LINGO2: variants seen among roughly 807,000 people sequenced by gnomAD.
The protein encoded by LINGO2 is leucine-rich repeat and immunoglobulin-like domain-containing nogo receptor-interacting protein 2.
LINGO2 carries 14 observed loss-of-function variants against 30.6 expected under a neutral mutation model. The ratio of observed to expected loss-of-function variants is 0.46; its 90% CI spans 0.30 to 0.72. LINGO2 has a LOEUF of 0.72. Ranked by LOEUF, LINGO2 falls within the 30% of genes least tolerant of loss-of-function variation. The pLI is 0.07. For missense variants in LINGO2, 729 were observed against 751.7 expected (o/e 0.97, Z 0.35); for synonymous variants, 317 against 288.5 (o/e 1.10, Z -1.00).
the LINGO2 span, among the ~76,000 whole-genome samples, chr9:28,774,922 T>C: frequency 2.3e-4 from 35 of 152,262 alleles, 1 homozygote; most frequent in South Asian, 6.2e-3. Context: ...TGACTGTTTA[T>C]GTGTTTTGCA....
At chr9:28,406,230 G>A (rs539885218) in intron 2 of LINGO2, among the ~76,000 whole-genome samples, 1 of 152,278 alleles carries the variant, frequency 6.6e-6, no homozygotes, top group East Asian at 1.9e-4. Context: ...GAGGTCAGGA[G>A]TTCAAGACCA....
At chr9:28,314,978 C>T (rs545105666) in intron 3 of LINGO2, among the ~76,000 whole-genome samples, 1 of 148,028 alleles carries the variant, frequency 6.8e-6, no homozygotes, top group Admixed American at 6.8e-5. Flanking sequence ...CCACTCCAGT[C>T]CAGCCTGGGT....
chr9:28,666,854 CAGTACAT>C (rs1828821465), intron 1 of LINGO2, among the ~76,000 whole-genome samples: 1 of 152,106 alleles, frequency 6.6e-6, no homozygotes, highest in South Asian at 2.1e-4. Context: ...TGTTTAAGCA[CAGTACAT>C]AGTTGGCTTC....
At chr9:29,184,527 C>T in the LINGO2 span, among the ~76,000 whole-genome samples, 502 of 152,244 alleles carry the variant, frequency 3.3e-3, 3 homozygotes, top group Middle Eastern at 0.014. Context: ...GAGACAATTT[C>T]AGAATATATA....
chr9:28,507,956 C>G (rs917792599), intron 1 of LINGO2, among the ~76,000 whole-genome samples: 10 of 151,772 alleles, frequency 6.6e-5, no homozygotes, highest in Non-Finnish European at 1.0e-4. Flanking sequence ...TAAAGCCAGC[C>G]TTTCTAATAA....
chr9:28,628,469 G>T (rs979320368), intron 1 of LINGO2, among the ~76,000 whole-genome samples: 3 of 152,064 alleles, frequency 2.0e-5, no homozygotes, highest in Admixed American at 1.3e-4. Context: ...GGTGCGTATA[G>T]TGTGCTGATT....
the LINGO2 span, among the ~76,000 whole-genome samples, chr9:28,865,475 A>G: frequency 6.6e-6 from 1 of 152,172 alleles, no homozygotes; most frequent in South Asian, 2.1e-4. Flanking sequence ...TTAGAGTTTG[A>G]CATGGGTTTA....
intron 4 of LINGO2, among the ~76,000 whole-genome samples, chr9:28,064,729 G>A (rs891164188): frequency 6.6e-6 from 1 of 152,046 alleles, no homozygotes; most frequent in African/African-American, 2.4e-5. Flanking sequence ...ACAGTTCCAG[G>A]CCCTGAAAGG....
chr9:28,040,432 T>G lies in LINGO2; in HGVS notation c.-86-28027A>C, dbSNP rs192513111. ...CAAAAAGACAGCTTGAAGTTTTTTT[T>G]TTTTTTTTTTTTGGACAGGGATTCA... On this transcript the variant is annotated intron_variant, in intron 4 of 5. Transcript: ENST00000379992. 8.5e-3 allele frequency among the ~76,000 whole-genome samples: 1,284 copies of G among 151,490 alleles called. 10 individuals are homozygous for G. Among genetic ancestry groups the G allele is most frequent in the Non-Finnish European group, 0.013 (911 of 67,874 alleles).
At chr9:28,885,763 T>C in the LINGO2 span, among the ~76,000 whole-genome samples, 1 of 152,104 alleles carries the variant, frequency 6.6e-6, no homozygotes, top group Non-Finnish European at 1.5e-5. Context: ...ATCCTTAGCT[T>C]CCCAGGTGGT....
the LINGO2 span, among the ~76,000 whole-genome samples, chr9:29,111,799 T>C: frequency 8.6e-6 from 1 of 116,414 alleles, no homozygotes; most frequent in Admixed American, 8.6e-5. Flanking sequence ...TCCATGGGTA[T>C]GGGCTAATTT....
At chr9:28,213,862 T>C (rs975963429) in intron 4 of LINGO2, among the ~76,000 whole-genome samples, 8 of 151,460 alleles carry the variant, frequency 5.3e-5, no homozygotes, top group Non-Finnish European at 1.0e-4. Flanking sequence ...ATGGAAAAAA[T>C]GGCAATCCTT....
intron 1 of LINGO2, among the ~76,000 whole-genome samples, chr9:28,509,621 G>C (rs1820290147): frequency 6.6e-6 from 1 of 152,154 alleles, no homozygotes; most frequent in Non-Finnish European, 1.5e-5. Context: ...AGGTCGTAAA[G>C]GTTAAACGAG....
chr9:28,380,538 A>G (rs1177728658), intron 2 of LINGO2, among the ~76,000 whole-genome samples: 2 of 152,052 alleles, frequency 1.3e-5, no homozygotes, highest in Admixed American at 1.3e-4. Flanking sequence ...TGATCAGAGA[A>G]TGAAAACCAG....
At chr9:28,193,736 T>C (rs1317416371) in intron 4 of LINGO2, among the ~76,000 whole-genome samples, 2 of 152,204 alleles carry the variant, frequency 1.3e-5, no homozygotes, top group African/African-American at 4.8e-5. Flanking sequence ...GGTCACAAAC[T>C]GAGAAAGAAC....
At chr9:28,506,880 C>T (rs1279065251) in intron 1 of LINGO2, among the ~76,000 whole-genome samples, 1 of 151,920 alleles carries the variant, frequency 6.6e-6, no homozygotes, top group Non-Finnish European at 1.5e-5. Flanking sequence ...TTGATTAAAT[C>T]ATCTTCTCTA....
At chr9:29,042,995 T>G in the LINGO2 span, among the ~76,000 whole-genome samples, 2 of 151,758 alleles carry the variant, frequency 1.3e-5, no homozygotes, top group Non-Finnish European at 2.9e-5. Context: ...CCTTGTGAGA[T>G]ATATATATAT....
Position 28,631,165 on chromosome 9 carries a change from A to T in LINGO2, c.-365+39035T>A, listed in dbSNP as rs147918049. 7.0e-4 allele frequency among the ~76,000 whole-genome samples: 106 copies of T among 151,828 alleles called. 2 individuals are homozygous for T. The East Asian group carries it at 0.018, about 26-fold the overall frequency. On this transcript the variant is annotated intron_variant, in intron 1 of 5. Coordinates refer to ENST00000379992, the Ensembl canonical transcript of LINGO2. Reference sequence around the variant, plus strand: ...GCTTTATCACTTTATTTATTTATTTATTTTTTTATTATACTTTAAGTTCTA... The same window carrying T: ...GCTTTATCACTTTATTTATTTATTTTTTTTTTTATTATACTTTAAGTTCTA...
intron 2 of LINGO2, among the ~76,000 whole-genome samples, chr9:28,472,303 T>C (rs1189681532): frequency 1.3e-5 from 2 of 150,812 alleles, no homozygotes; most frequent in South Asian, 2.1e-4. Context: ...CTTATTCCAC[T>C]AGTGCATTGA....
Sources: gnomAD v4.1 joint callset for allele counts (sites outside exome capture counted in the v4.1 genomes callset) on GRCh38, gnomAD v4.1.1 for gene constraint, MANE v1.5 for transcripts, NCBI Gene and HGNC (gene_info 2026-07-23, HGNC 2026-07-21) for gene names.